Variants in CUL3 observed in about 807,000 individuals in gnomAD.
The protein encoded by CUL3 is cullin 3.
Under a neutral mutation model 89.1 loss-of-function variants are expected in CUL3, and 19 were observed. The ratio of observed to expected loss-of-function variants is 0.21; its 90% CI spans 0.15 to 0.31. The LOEUF (loss-of-function observed/expected upper bound fraction) is 0.31. Ranked by LOEUF, CUL3 falls within the 10% of genes least tolerant of loss-of-function variation. The probability of loss-of-function intolerance (pLI) is 1.00; values close to 1 mark genes in which losing one functional copy is unlikely to be tolerated. For missense variants in CUL3, 469 were observed against 942.3 expected (o/e 0.50, Z 6.58); for synonymous variants, 351 against 308.4 (o/e 1.14, Z -1.45).
chr2:224,555,322 C>T (rs997310395), intron 2 of CUL3, among the ~76,000 whole-genome samples: 5 of 152,144 alleles, frequency 3.3e-5, no homozygotes, highest in African/African-American at 1.2e-4. Flanking sequence ...TTTGTCTAGA[C>T]TTAAGTTTAG....
chr2:224,488,666 C>T (rs1304995876), intron 13 of CUL3, among the ~76,000 whole-genome samples: 2 of 152,100 alleles, frequency 1.3e-5, no homozygotes, highest in East Asian at 1.9e-4. Context: ...GATTCACAGT[C>T]GAATTCTACC....
At chr2:224,506,784 G>A in intron 7 of CUL3, 74 bp downstream of exon 7, 1 of 1,300,384 alleles carries the variant, frequency 7.7e-7, no homozygotes, top group East Asian at 2.3e-5. Context: ...TACACAGCAT[G>A]GTAAAAGTGG....
At chr2:224,544,117 GT>G (rs1445970244) in intron 2 of CUL3, among the ~76,000 whole-genome samples, 3 of 152,206 alleles carry the variant, frequency 2.0e-5, no homozygotes, top group African/African-American at 7.2e-5. Flanking sequence ...TATCTAGTCT[GT>G]AGCACCTCTT....
intron 1 of CUL3, among the ~76,000 whole-genome samples, chr2:224,567,020 T>C (rs922670566): frequency 2.0e-5 from 3 of 152,194 alleles, no homozygotes; most frequent in African/African-American, 7.2e-5. Flanking sequence ...TGTAACGTCA[T>C]GACTTTTCTC....
chr2:224,544,092 G>GAGCC (rs1694211909), intron 2 of CUL3, among the ~76,000 whole-genome samples: 1 of 152,174 alleles, frequency 6.6e-6, no homozygotes, highest in Non-Finnish European at 1.5e-5. Flanking sequence ...AGGGCTCTGA[G>GAGCC]CAAGTCACCT....
At chr2:224,542,542 G>A (rs1694151595) in intron 2 of CUL3, among the ~76,000 whole-genome samples, 1 of 148,214 alleles carries the variant, frequency 6.7e-6, no homozygotes, top group South Asian at 2.2e-4. Context: ...AGCACTTCTG[G>A]CTGTGTGCGT....
chr2:224,568,054 T>C (rs969278161), intron 1 of CUL3, among the ~76,000 whole-genome samples: 2 of 152,198 alleles, frequency 1.3e-5, no homozygotes, highest in Non-Finnish European at 2.9e-5. Context: ...CCATGTCTTT[T>C]TTCCCCCCTG....
intron 2 of CUL3, among the ~76,000 whole-genome samples, chr2:224,538,204 A>G (rs1030474858): frequency 5.3e-5 from 8 of 152,210 alleles, no homozygotes; most frequent in African/African-American, 1.4e-4. Flanking sequence ...TGCCTTAGAT[A>G]CACTGCTGCA....
At chr2:224,500,619 TTTC>T (rs1692346975) in intron 10 of CUL3, 132 bp from the exon 11 acceptor site, 4 of 818,080 alleles carry the variant, frequency 4.9e-6, no homozygotes, top group Non-Finnish European at 6.9e-6. Context: ...AAAAGCAGAT[TTTC>T]TTTTCTTTTT....
At chr2:224,543,713 G>A (rs72974203) in intron 2 of CUL3, among the ~76,000 whole-genome samples, 43,662 of 152,018 alleles carry the variant, frequency 0.29, 6,573 homozygotes, top group Middle Eastern at 0.41. Flanking sequence ...CTGGTGTGGC[G>A]GCTCAATGCC....
chr2:224,571,231 C>G (rs1471154529), intron 1 of CUL3, among the ~76,000 whole-genome samples: 1 of 152,050 alleles, frequency 6.6e-6, no homozygotes. Context: ...TACTTACAGA[C>G]CCTCTATATT....
Position 224,514,709 on chromosome 2 carries a change from G to A in CUL3, c.442C>T (p.Arg148Ter), listed in dbSNP as rs2106223664. The A allele has an allele frequency of 6.2e-7, 1 of 1,613,094 alleles. No homozygotes were observed. Among genetic ancestry groups the A allele is most frequent in the Non-Finnish European group, 8.5e-7 (1 of 1,179,280 alleles). Reference protein sequence around the residue: ...NVYNLGLIIFRDQVVRYGCIR... With the variant: ...NVYNLGLIIF Reference sequence around the variant, plus strand: ...CACCCATAACGTACAACTTGATCTCGAAAAATAATTAATCCCAAATTGTAG... The same window carrying A: ...CACCCATAACGTACAACTTGATCTCAAAAAATAATTAATCCCAAATTGTAG... Residue 148 changes from arginine (R) to a stop codon, truncating the protein, a stop_gained, in exon 4 of 16, where the codon CGA (arginine) becomes TGA (stop). Transcript: ENST00000264414. LOFTEE classifies it high-confidence loss of function.
intron 1 of CUL3, among the ~76,000 whole-genome samples, chr2:224,567,819 C>T (rs980564538): frequency 6.6e-6 from 1 of 152,036 alleles, no homozygotes; most frequent in East Asian, 1.9e-4. Flanking sequence ...GAATCTACTT[C>T]CCTCAAAATC....
chr2:224,578,518 C>G (rs1695362505), intron 1 of CUL3, among the ~76,000 whole-genome samples: 1 of 151,778 alleles, frequency 6.6e-6, no homozygotes, highest in South Asian at 2.1e-4. Flanking sequence ...ATTTTTCTAC[C>G]AGGAATATAC....
intron 13 of CUL3, among the ~76,000 whole-genome samples, chr2:224,489,096 T>C (rs879639030): frequency 1.3e-5 from 2 of 152,178 alleles, no homozygotes; most frequent in Non-Finnish European, 2.9e-5. Flanking sequence ...AAACTAGGTA[T>C]TGAACATATC....
At chr2:224,572,955 G>A (rs192620833) in intron 1 of CUL3, among the ~76,000 whole-genome samples, 1 of 152,256 alleles carries the variant, frequency 6.6e-6, no homozygotes, top group Non-Finnish European at 1.5e-5. Context: ...TCAGTCTGCA[G>A]GATTTTGTTA....
At position 224,471,546 on chromosome 2, in the gene CUL3, TATC is replaced by T. The variant is rs1480158861; in HGVS notation, c.*2696_*2698del. On this transcript the variant is annotated 3_prime_UTR_variant, in exon 16 of 16. Transcript: ENST00000264414. ...GAGAAGGATTCTTACAGAGAAGGCC[TATC>T]ATCAGCATCTTGGGGGTTTGATAGT... The T allele has an allele frequency of 5.1e-6, 1 of 195,820 alleles. No homozygotes were observed. The highest frequency in any genetic ancestry group is 1.1e-5 in the Non-Finnish European group (1 of 94,264). The allele number at this position is 195,820 out of a possible 1,614,324, so 12.1% of individuals were successfully genotyped here.
At chr2:224,495,776 T>C in intron 13 of CUL3, 56 bp downstream of exon 13, 2 of 1,459,794 alleles carry the variant, frequency 1.4e-6, no homozygotes, top group Non-Finnish European at 1.9e-6. Flanking sequence ...AAGACTCAAG[T>C]AACAAGTGAG....
chr2:224,510,966 G>A (rs925467219), intron 6 of CUL3, among the ~76,000 whole-genome samples: 2 of 152,094 alleles, frequency 1.3e-5, no homozygotes, highest in African/African-American at 4.8e-5. Flanking sequence ...TCTTAAGGTG[G>A]AAACTTAAGG....
Sources: allele counts gnomAD v4.1 joint callset (sites outside exome capture counted in the v4.1 genomes callset), GRCh38; gene constraint gnomAD v4.1.1; transcripts MANE v1.5; gene names NCBI Gene and HGNC (gene_info 2026-07-23, HGNC 2026-07-21).